Variants in SDK1 observed in about 807,000 individuals in gnomAD.
SDK1 encodes protein sidekick-1.
In SDK1, 157 loss-of-function variants were observed where a neutral mutation model predicts 245.5. That is an observed-to-expected ratio of 0.64 (90% CI 0.56 to 0.73). The LOEUF (loss-of-function observed/expected upper bound fraction) is 0.73. Ranked by LOEUF, SDK1 falls within the 30% of genes least tolerant of loss-of-function variation. SDK1 has a pLI of 0.00. For missense variants in SDK1, 3,583 were observed against 3,002.3 expected (o/e 1.19, Z -4.52); for synonymous variants, 1,647 against 1,278.5 (o/e 1.29, Z -6.15).
At chr7:3,504,810 G>T (rs1206633461) in intron 1 of SDK1, among the ~76,000 whole-genome samples, 1 of 151,900 alleles carries the variant, frequency 6.6e-6, no homozygotes, top group African/African-American at 2.4e-5. Context: ...TGGCTGGTGG[G>T]GGATGTAAAA....
Position 4,268,891 on chromosome 7 carries a change from A to G in SDK1, c.*3507A>G, listed in dbSNP as rs562291127. The G allele has an allele frequency of 4.4e-5, 20 of 450,270 alleles. No homozygotes were observed. Among genetic ancestry groups the G allele is most frequent in the Admixed American group, 4.0e-4 (13 of 32,234 alleles). The allele number at this position is 450,270 out of a possible 1,614,324, so 27.9% of individuals were successfully genotyped here. ...AACGTTCCCTACAACTTTTTCTGAA[A>G]TTGTGCAGAAAAACAGATCTCATTA... On this transcript the variant is annotated 3_prime_UTR_variant, in exon 45 of 45. Transcript: ENST00000404826.
At chr7:3,721,127 T>C (rs1452076740) in intron 4 of SDK1, among the ~76,000 whole-genome samples, 1 of 152,026 alleles carries the variant, frequency 6.6e-6, no homozygotes, top group Non-Finnish European at 1.5e-5. Context: ...AGGGCATGGG[T>C]GGGGCTTAAA....
chr7:4,215,006 T>A (rs1784712368), intron 38 of SDK1, among the ~76,000 whole-genome samples: 2 of 152,168 alleles, frequency 1.3e-5, no homozygotes, highest in African/African-American at 4.8e-5. Flanking sequence ...CAGGTGGACC[T>A]CATGGCTGCC....
intron 2 of SDK1, among the ~76,000 whole-genome samples, chr7:3,625,686 G>A (rs1433532819): frequency 6.6e-6 from 1 of 152,170 alleles, no homozygotes; most frequent in Non-Finnish European, 1.5e-5. Context: ...TCCTGTACTT[G>A]GCTGATAAAT....
Position 3,619,222 on chromosome 7 carries a change from C to T in SDK1, c.441C>T (p.Thr147=). The stretch of plus-strand genomic sequence containing the variant: ...TGCGCGATGACAGTGAGCTCACCAC[C>T]TACAGCAGCGAATATAAGTAATTGA... ...KWMRDDSELT[T]YSSEYKYIIP... The change falls in exon 2 of 45, where the codon ACC becomes ACT. Residue 147 remains threonine, a synonymous_variant. Coordinates refer to ENST00000404826, the MANE Select transcript of SDK1 (RefSeq NM_152744.4). 1 of 1,610,538 alleles carries T rather than the reference C, an allele frequency of 6.2e-7. No homozygotes were observed. Among genetic ancestry groups the T allele is most frequent in the Non-Finnish European group, 8.5e-7 (1 of 1,177,118 alleles).
chr7:3,735,531 ATGCATAGGGCACGGTG>A (rs1779295203), intron 4 of SDK1, among the ~76,000 whole-genome samples: 1 of 152,174 alleles, frequency 6.6e-6, no homozygotes, highest in Non-Finnish European at 1.5e-5. Flanking sequence ...ATTTCACTGG[ATGCATAGGGCACGGTG>A]TGTTTACCTG....
intron 17 of SDK1, among the ~76,000 whole-genome samples, chr7:4,039,325 G>C (rs930235151): frequency 1.3e-5 from 2 of 151,920 alleles, no homozygotes; most frequent in African/African-American, 2.4e-5. Flanking sequence ...TTCTTATTAT[G>C]ATGGGAAAAT....
At chr7:4,130,681 C>T (rs981031862) in intron 27 of SDK1, among the ~76,000 whole-genome samples, 3 of 152,214 alleles carry the variant, frequency 2.0e-5, no homozygotes, top group African/African-American at 7.2e-5. Context: ...GACGCCTTGC[C>T]AGCTTTGTTT....
At chr7:3,613,581 G>C (rs767153361) in intron 1 of SDK1, among the ~76,000 whole-genome samples, 1 of 152,148 alleles carries the variant, frequency 6.6e-6, no homozygotes, top group East Asian at 1.9e-4. Flanking sequence ...AGACAGTGTG[G>C]TGATTCCTCA....
intron 28 of SDK1, among the ~76,000 whole-genome samples, chr7:4,139,529 G>GTATATA (rs1779359232): frequency 2.6e-4 from 3 of 11,616 alleles, no homozygotes; most frequent in African/African-American, 3.2e-4. Context: ...GTGTGTATGT[G>GTATATA]TGTGTGTATA....
At chr7:3,823,970 T>G (rs985989388) in intron 5 of SDK1, among the ~76,000 whole-genome samples, 16 of 152,074 alleles carry the variant, frequency 1.1e-4, no homozygotes, top group Admixed American at 2.6e-4. Flanking sequence ...TTTTTGTTTT[T>G]TTTTCTGCTA....
chr7:3,653,079 C>A (rs968878896), intron 4 of SDK1, among the ~76,000 whole-genome samples: 2 of 152,182 alleles, frequency 1.3e-5, no homozygotes, highest in African/African-American at 4.8e-5. Context: ...TCTGGTGACG[C>A]AGATGAGAAA....
chr7:3,575,348 ACTT>A (rs1047974961), intron 1 of SDK1, among the ~76,000 whole-genome samples: 2 of 151,850 alleles, frequency 1.3e-5, no homozygotes, highest in South Asian at 2.1e-4. Flanking sequence ...CTCCCTTAGG[ACTT>A]CTTCTAACCC....
At chr7:3,850,166 C>T (rs1355060378) in intron 5 of SDK1, among the ~76,000 whole-genome samples, 3 of 152,158 alleles carry the variant, frequency 2.0e-5, no homozygotes, top group Non-Finnish European at 1.5e-5. Flanking sequence ...ATGGACCCAC[C>T]CCCCTTCGAG....
intron 1 of SDK1, among the ~76,000 whole-genome samples, chr7:3,473,581 T>G (rs1365379178): frequency 2.6e-5 from 4 of 152,148 alleles, no homozygotes; most frequent in Non-Finnish European, 2.9e-5. Flanking sequence ...CTAAATGACC[T>G]CCAAAAAGGC....
At chr7:3,972,843 G>A (rs931126298) in intron 12 of SDK1, among the ~76,000 whole-genome samples, 1 of 152,206 alleles carries the variant, frequency 6.6e-6, no homozygotes, top group African/African-American at 2.4e-5. Flanking sequence ...TCCAAATTTG[G>A]TTTAGGTACG....
intron 1 of SDK1, among the ~76,000 whole-genome samples, chr7:3,592,455 T>A (rs1307520751): frequency 6.6e-6 from 1 of 152,252 alleles, no homozygotes; most frequent in Non-Finnish European, 1.5e-5. Flanking sequence ...CAGATAATTA[T>A]CACTCTGCTC....
intron 4 of SDK1, among the ~76,000 whole-genome samples, chr7:3,677,697 G>T (rs1434879850): frequency 6.6e-6 from 1 of 152,202 alleles, no homozygotes; most frequent in Non-Finnish European, 1.5e-5. Context: ...TGAATTGAAA[G>T]ATTCAATATG....
intron 4 of SDK1, among the ~76,000 whole-genome samples, chr7:3,714,556 G>A (rs984372499): frequency 6.6e-6 from 1 of 152,138 alleles, no homozygotes; most frequent in Non-Finnish European, 1.5e-5. Context: ...TCTTATGTAA[G>A]TGGTGATATT....
Sources: gnomAD v4.1 joint callset for allele counts (sites outside exome capture counted in the v4.1 genomes callset) on GRCh38, gnomAD v4.1.1 for gene constraint, MANE v1.5 for transcripts, NCBI Gene and HGNC (gene_info 2026-07-23, HGNC 2026-07-21) for gene names.